The following SERTAD4 variants were observed in gnomAD, a reference collection of about 807,000 sequenced individuals.
SERTAD4 encodes the protein SERTA domain-containing protein 4.
In SERTAD4, 18 loss-of-function variants were observed where a neutral mutation model predicts 32.9. The ratio of observed to expected loss-of-function variants is 0.55; its 90% CI spans 0.38 to 0.81. SERTAD4 has a LOEUF of 0.81. SERTAD4 is among the 30% of genes least tolerant of loss of function. SERTAD4 has a pLI of 0.00. For missense variants in SERTAD4, 383 were observed against 426.0 expected (o/e 0.90, Z 0.89); for synonymous variants, 150 against 156.4 (o/e 0.96, Z 0.30).
intron 2 of SERTAD4, among the ~76,000 whole-genome samples, chr1:210,238,584 G>A (rs1051914682): frequency 6.6e-6 from 1 of 152,128 alleles, no homozygotes; most frequent in Non-Finnish European, 1.5e-5. Flanking sequence ...ACCCATTTAT[G>A]CCCAGTGTTC....
intron 1 of SERTAD4, chr1:210,233,607 G>C (rs1305419602): frequency 4.4e-6 from 2 of 453,932 alleles, no homozygotes; most frequent in South Asian, 3.2e-5. Context: ...CGCTGCGGGC[G>C]GCGGCGGCTC....
Position 210,242,564 on chromosome 1 carries a change from T to C in SERTAD4, c.*227T>C. On this transcript the variant is annotated 3_prime_UTR_variant, in exon 4 of 4. Coordinates refer to ENST00000367012, the MANE Select transcript of SERTAD4 (RefSeq NM_019605.5). The surrounding 1 kb of genome is among the most constrained non-coding windows in gnomAD (Gnocchi z 4.0). The stretch of plus-strand genomic sequence containing the variant: ...TTTACCAAGGAAACGATTGACTTAA[T>C]GCTTAAAAGTATATCATAGTTTTCT... 4 of 1,284,342 alleles carry C rather than the reference T, an allele frequency of 3.1e-6. No individual in the cohort carries two copies. Among genetic ancestry groups the C allele is most frequent in the Non-Finnish European group, 3.9e-6 (4 of 1,020,346 alleles). The allele number at this position is 1,284,342 out of a possible 1,614,324, so 79.6% of individuals were successfully genotyped here. A position where few individuals can be genotyped will look rare whatever the true frequency, so the allele number is the denominator to read the frequency against.
At position 210,244,010 on chromosome 1, in the gene SERTAD4, T is replaced by A. The variant is rs1293659777; in HGVS notation, c.*1673T>A. The A allele has an allele frequency of 1.3e-5, 2 of 152,212 alleles. No homozygotes were observed. The highest frequency in any genetic ancestry group is 2.9e-5 in the Non-Finnish European group (2 of 68,026). 9.4% of individuals were successfully genotyped at this position (152,212 alleles called of 1,614,324 possible). ...TCAATATTTGATAAACATTTGATGT[T>A]CAAAACTTAGCTAATAGATGCTTGT... On this transcript the variant is annotated 3_prime_UTR_variant, in exon 4 of 4. Coordinates refer to ENST00000367012, the MANE Select transcript of SERTAD4 (RefSeq NM_019605.5).
intron 1 of SERTAD4, among the ~76,000 whole-genome samples, chr1:210,234,327 G>A (rs1287145312): frequency 6.6e-6 from 1 of 152,150 alleles, no homozygotes; most frequent in African/African-American, 2.4e-5. Flanking sequence ...CCAGGGCTCG[G>A]GCATCGGAGC....
rs754490382 is a variant in SERTAD4 at position 210,242,247 on chromosome 1, T to C, written c.981T>C (p.Asn327=). 1.9e-6 allele frequency: 3 copies of C among 1,613,400 alleles called. No individual in the cohort carries two copies. The highest frequency in any genetic ancestry group is 1.7e-5 in the Admixed American group (1 of 59,872). Residue 327 remains asparagine, a synonymous_variant, in exon 4 of 4, where the codon AAT becomes AAC. Transcript: ENST00000367012. This position sits in a 1 kb window ranked among gnomAD's most constrained non-coding sequence, Gnocchi z 4.0. ...YFETGYNERN[N]VNESWKKSLR... ...AGACCGGATATAATGAAAGAAACAA[T>C]GTAAATGAATCTTGGAAAAAGTCCT...
intron 3 of SERTAD4, among the ~76,000 whole-genome samples, 157 bp from the exon 4 acceptor site, chr1:210,241,401 T>C (rs951445990): frequency 1.4e-4 from 21 of 152,122 alleles, no homozygotes; most frequent in Non-Finnish European, 8.8e-5. Context: ...ACAGCCTCTC[T>C]AAATTAACCC....
In SERTAD4 at chr1:210,242,861, C is replaced by T; in HGVS notation, c.*524C>T. 1.0e-6 allele frequency: 1 copy of T among 986,066 alleles called. No homozygotes were observed. Among genetic ancestry groups the T allele is most frequent in the Non-Finnish European group, 1.2e-6 (1 of 830,272 alleles). 61.1% of individuals were successfully genotyped at this position (986,066 alleles called of 1,614,324 possible). ...ATTTGTACCTAACAGTCTTGTGTGACAGATGAAAATAGGATGTAACATAAT... is the reference window on the plus strand; with the variant it reads ...ATTTGTACCTAACAGTCTTGTGTGATAGATGAAAATAGGATGTAACATAAT... On this transcript the variant is annotated 3_prime_UTR_variant, in exon 4 of 4. Coordinates refer to ENST00000367012, the MANE Select transcript of SERTAD4 (RefSeq NM_019605.5). This position sits in a 1 kb window ranked among gnomAD's most constrained non-coding sequence, Gnocchi z 4.0.
At chr1:210,237,878 G>A (rs370176000) in intron 1 of SERTAD4, 66 bp from the exon 2 acceptor site, 25 of 1,281,580 alleles carry the variant, frequency 2.0e-5, no homozygotes, top group African/African-American at 9.0e-5. Flanking sequence ...TGCCAAGGCC[G>A]TCCCTTGGCT....
intron 1 of SERTAD4, among the ~76,000 whole-genome samples, chr1:210,236,918 G>A (rs1034227510): frequency 2.6e-5 from 4 of 152,196 alleles, no homozygotes; most frequent in Non-Finnish European, 4.4e-5. Flanking sequence ...CCTACCTCGA[G>A]ACCTGCAAAG....
chr1:210,237,946 C>G lies in SERTAD4; in HGVS notation c.-15C>G, dbSNP rs769470509. 1 of 1,481,160 alleles carries G rather than the reference C, an allele frequency of 6.8e-7. No individual in the cohort carries two copies. The highest frequency in any genetic ancestry group is 9.3e-7 in the Non-Finnish European group (1 of 1,073,370). The allele number at this position is 1,481,160 out of a possible 1,614,324, so 91.8% of individuals were successfully genotyped here. On this transcript the variant is annotated splice_region_variant and 5_prime_UTR_variant, in exon 2 of 4. In the 5' UTR this introduces an upstream ATG that the reference lacks. Coordinates refer to ENST00000367012, the MANE Select transcript of SERTAD4 (RefSeq NM_019605.5). ...GTTTTTTTTTTTTTTCTTTTCAGAT[C>G]TGAGGCTGTCAGAGATGACTCTGGT...
At chr1:210,241,430 C>A in intron 3 of SERTAD4, 128 bp from the exon 4 acceptor site, 1 of 944,604 alleles carries the variant, frequency 1.1e-6, no homozygotes, top group Non-Finnish European at 1.5e-6. Context: ...AAGACCACAA[C>A]ATGCCCAGAC....
intron 3 of SERTAD4, among the ~76,000 whole-genome samples, 199 bp from the exon 4 acceptor site, chr1:210,241,347 GTGCTCCAGCCAA>G (rs1448056449): frequency 1.3e-5 from 2 of 152,094 alleles, no homozygotes; most frequent in Admixed American, 1.3e-4. Context: ...AAGTGGGTGG[GTGCTCCAGCCAA>G]GTGAGGAAAG....
At chr1:210,241,446 C>A in intron 3 of SERTAD4, 112 bp from the exon 4 acceptor site, 1 of 1,098,108 alleles carries the variant, frequency 9.1e-7, no homozygotes, top group Non-Finnish European at 1.3e-6. Context: ...CAGACCCAGA[C>A]AGTGCCAAGA....
Position 210,241,542 on chromosome 1 carries a change from T to TTTTTTTG in SERTAD4, c.292-15_292-9dup. On this transcript the variant is annotated splice_polypyrimidine_tract_variant and intron_variant, in intron 3 of 3. Transcript: ENST00000367012. ...TTTCTGTTTGTTTTTTTCTTTTTTT[T>TTTTTTTG]TTTTTTGGTTTGTAGACCATCTCAA... 1 of 1,486,976 alleles carries TTTTTTTG rather than the reference T, an allele frequency of 6.7e-7. No homozygotes were observed. Among genetic ancestry groups the TTTTTTTG allele is most frequent in the Non-Finnish European group, 8.9e-7 (1 of 1,122,292 alleles). 92.1% of individuals were successfully genotyped at this position (1,486,976 alleles called of 1,614,324 possible).
intron 2 of SERTAD4, among the ~76,000 whole-genome samples, chr1:210,238,691 C>T (rs2083967351): frequency 6.6e-6 from 1 of 152,126 alleles, no homozygotes; most frequent in Admixed American, 6.5e-5. Flanking sequence ...AATTTGCAAC[C>T]TATGGCATAA....
rs2147853066 is a variant in SERTAD4 at position 210,246,251 on chromosome 1, T to A, written c.*3914T>A. 1 of 152,720 alleles carries A rather than the reference T, an allele frequency of 6.5e-6. No individual in the cohort carries two copies. The highest frequency in any genetic ancestry group is 1.9e-4 in the East Asian group (1 of 5,190). The allele number at this position is 152,720 out of a possible 1,614,324, so 9.5% of individuals were successfully genotyped here. A position where few individuals can be genotyped will look rare whatever the true frequency, so the allele number is the denominator to read the frequency against. On this transcript the variant is annotated 3_prime_UTR_variant, in exon 4 of 4. Transcript: ENST00000367012. ...ATGCATTAAGGATCTTTTAAGTTAC[T>A]ACAAGATGCCTCTCTGTTGCTTTCT...
At position 210,238,050 on chromosome 1, in the gene SERTAD4, G is replaced by T. The variant is rs1307707656; in HGVS notation, c.90G>T (p.Glu30Asp). Residue 30 changes from glutamate to aspartate, a missense_variant, in exon 2 of 4, where the codon GAG becomes GAT. Around this residue, in one of 3 missense-constraint regions of SERTAD4, gnomAD observed 96 missense variants for 76.6 expected, o/e 1.25. Transcript: ENST00000367012. ...TTGCTGGGTACCAAACACTATGGGA[G>T]GCTGACAGCTACGGAGGCCCAAGCC... is the stretch of plus-strand genomic sequence containing the variant. ...AEIAGYQTLW[E>D]ADSYGGPSPP... The T allele has an allele frequency of 6.2e-7, 1 of 1,614,018 alleles. No homozygotes were observed. Among genetic ancestry groups the T allele is most frequent in the East Asian group, 2.2e-5 (1 of 44,880 alleles).
Position 210,245,785 on chromosome 1 carries a change from C to G in SERTAD4, c.*3448C>G. ...TATTACAGCTCCACTTGGTGACTTC[C>G]TTTCTGTGTATCAGGAGCAGAGCAG... On this transcript the variant is annotated 3_prime_UTR_variant, in exon 4 of 4. Coordinates refer to ENST00000367012, the MANE Select transcript of SERTAD4 (RefSeq NM_019605.5). 1.0e-6 allele frequency: 1 copy of G among 985,344 alleles called. No individual in the cohort carries two copies. Among genetic ancestry groups the G allele is most frequent in the Non-Finnish European group, 1.2e-6 (1 of 829,882 alleles). 61.0% of individuals were successfully genotyped at this position (985,344 alleles called of 1,614,324 possible).
Position 210,238,078 on chromosome 1 carries a change from C to G in SERTAD4, c.118C>G (p.Pro40Ala). The G allele has an allele frequency of 6.2e-7, 1 of 1,613,844 alleles. No individual in the cohort carries two copies. The highest frequency in any genetic ancestry group is 8.5e-7 in the Non-Finnish European group (1 of 1,179,916). Residue 40 changes from proline to alanine, a missense_variant, in exon 2 of 4, where the codon CCA (proline) becomes GCA (alanine). Pro to Ala is a conservative substitution (Grantham distance 27). Coordinates refer to ENST00000367012, the MANE Select transcript of SERTAD4 (RefSeq NM_019605.5). ...TGACAGCTACGGAGGCCCAAGCCCC[C>G]CAGGGCCAGCACAAGCTCCTTTGCA... The part of the protein sequence containing the change: ...EADSYGGPSP[P>A]GPAQAPLQGD...
Sources: allele counts gnomAD v4.1 joint callset (sites outside exome capture counted in the v4.1 genomes callset), GRCh38; gene constraint gnomAD v4.1.1; regional missense constraint gnomAD v4.1.1; non-coding constraint Gnocchi (gnomAD v3.1); transcripts MANE v1.5; gene names NCBI Gene and HGNC (gene_info 2026-07-23, HGNC 2026-07-21).